RBMS3: variants seen among roughly 807,000 people sequenced by gnomAD.
RBMS3 encodes RNA-binding motif, single-stranded-interacting protein 3.
In RBMS3, 27 loss-of-function variants were observed where a neutral mutation model predicts 66.8. The ratio of observed to expected loss-of-function variants is 0.40; its 90% CI spans 0.30 to 0.56. The LOEUF is 0.56. RBMS3 is among the 20% of genes least tolerant of loss of function. The probability of loss-of-function intolerance (pLI) is 0.40; values close to 1 mark genes in which losing one functional copy is unlikely to be tolerated. For synonymous variants in RBMS3, 188 were observed against 183.0 expected, an observed-to-expected ratio of 1.03 and a Z score of -0.22; for missense variants, 513 against 549.5, an observed-to-expected ratio of 0.93 and a Z score of 0.66.
chr3:29,819,312 T>A (rs1352461386), intron 6 of RBMS3, among the ~76,000 whole-genome samples: 1 of 152,180 alleles, frequency 6.6e-6, no homozygotes, highest in Non-Finnish European at 1.5e-5. Flanking sequence ...TGACAGCTAC[T>A]CAACTCTTCT....
chr3:29,537,028 G>T (rs2045579697), intron 3 of RBMS3, among the ~76,000 whole-genome samples: 1 of 152,126 alleles, frequency 6.6e-6, no homozygotes, highest in African/African-American at 2.4e-5. Flanking sequence ...TATCATGTGT[G>T]CTTTCTTTCT....
chr3:29,474,384 A>G (rs2042873688), intron 2 of RBMS3, among the ~76,000 whole-genome samples: 1 of 152,338 alleles, frequency 6.6e-6, no homozygotes, highest in African/African-American at 2.4e-5. Flanking sequence ...ATATTCTTAT[A>G]TTTGTAAACA....
At chr3:29,401,400 TAC>T (rs1260355040) in intron 1 of RBMS3, among the ~76,000 whole-genome samples, 1 of 152,132 alleles carries the variant, frequency 6.6e-6, no homozygotes, top group African/African-American at 2.4e-5. Flanking sequence ...GTCCCGCGTT[TAC>T]AGTCTCTGCA....
chr3:29,670,129 A>G (rs2050931993), intron 4 of RBMS3, among the ~76,000 whole-genome samples: 1 of 152,186 alleles, frequency 6.6e-6, no homozygotes, highest in South Asian at 2.1e-4. Flanking sequence ...GATGTTTAAC[A>G]TATTCCTACC....
At chr3:29,672,769 C>T (rs2051060682) in intron 4 of RBMS3, among the ~76,000 whole-genome samples, 1 of 152,012 alleles carries the variant, frequency 6.6e-6, no homozygotes, top group South Asian at 2.1e-4. Flanking sequence ...ACAGGAGCAC[C>T]CAGATTCATA....
At chr3:29,487,593 G>A (rs1465435103) in intron 2 of RBMS3, among the ~76,000 whole-genome samples, 1 of 152,026 alleles carries the variant, frequency 6.6e-6, no homozygotes, top group Non-Finnish European at 1.5e-5. Context: ...ATAGCTGATA[G>A]CAGGGAGAGC....
At chr3:29,525,705 A>G (rs571901856) in intron 3 of RBMS3, among the ~76,000 whole-genome samples, 10 of 152,202 alleles carry the variant, frequency 6.6e-5, no homozygotes, top group African/African-American at 2.4e-4. Context: ...TCAATCTTCA[A>G]TCTTTGTTCC....
At chr3:29,742,402 C>A (rs2054688088) in intron 5 of RBMS3, among the ~76,000 whole-genome samples, 1 of 152,190 alleles carries the variant, frequency 6.6e-6, no homozygotes, top group Admixed American at 6.5e-5. Context: ...CCAACCTCTC[C>A]AGCATCATTC....
chr3:29,498,903 G>A lies in RBMS3; in HGVS notation c.307+10404G>A, dbSNP rs116681918. ...AATTGACTTGTGTTTATTGAGATTA[G>A]CTTCGTTAATAGCAAAAAGTATAAG... On this transcript the variant is annotated intron_variant, in intron 3 of 14. Transcript: ENST00000383767. Among the ~76,000 whole-genome samples, 1,206 of 152,226 alleles carry A rather than the reference G, an allele frequency of 7.9e-3. 15 individuals are homozygous for A. The highest frequency in any genetic ancestry group is 0.028 in the African/African-American group (1,160 of 41,526).
chr3:29,672,232 A>G (rs1212129978), intron 4 of RBMS3, among the ~76,000 whole-genome samples: 3 of 152,202 alleles, frequency 2.0e-5, no homozygotes, highest in Non-Finnish European at 4.4e-5. Context: ...AGACAAGCAA[A>G]TGCTGAGAGA....
chr3:29,737,187 G>A (rs947916799), intron 4 of RBMS3, among the ~76,000 whole-genome samples: 4 of 152,100 alleles, frequency 2.6e-5, no homozygotes, highest in Non-Finnish European at 5.9e-5. Context: ...ATGTTAGCCA[G>A]GGTGGTCTCG....
intron 4 of RBMS3, among the ~76,000 whole-genome samples, chr3:29,701,789 G>T (rs1170788040): frequency 6.6e-6 from 1 of 152,116 alleles, no homozygotes; most frequent in African/African-American, 2.4e-5. Context: ...ATTCTCACCG[G>T]GCCTCAGCTG....
chr3:30,007,044 A>AAAAT lies in RBMS3; in HGVS notation c.*3184_*3187dup, dbSNP rs1699819860. ...GTATGTTTTCAAACCAAAAAGAAAA[A>AAAAT]AAATAGAAGGAAAACAACGGCACAT... On this transcript the variant is annotated 3_prime_UTR_variant, in exon 15 of 15. Transcript: ENST00000383767. 1 of 152,024 alleles carries AAAAT rather than the reference A, an allele frequency of 6.6e-6. No individual in the cohort carries two copies. The highest frequency in any genetic ancestry group is 2.1e-4 in the South Asian group (1 of 4,836). The allele number at this position is 152,024 out of a possible 1,614,324, so 9.4% of individuals were successfully genotyped here. A position where few individuals can be genotyped will look rare whatever the true frequency, so the allele number is the denominator to read the frequency against.
At position 29,292,012 on chromosome 3, in the gene RBMS3, C is replaced by T. The variant is rs560431807; in HGVS notation, c.75+10256C>T. 4.0e-5 allele frequency among the ~76,000 whole-genome samples: 6 copies of T among 151,800 alleles called. No homozygotes were observed. In the East Asian group the frequency reaches 7.8e-4, roughly 20 times the overall value. On this transcript the variant is annotated intron_variant, in intron 1 of 14. Coordinates refer to ENST00000383767, the MANE Select transcript of RBMS3 (RefSeq NM_001003793.3). ...AGGAAATAATTTTTTCTCTCTGTAG[C>T]CCCATATATATCCTCAGACCTGAAA...
intron 1 of RBMS3, chr3:29,390,926 A>T (rs1318002776): frequency 1.0e-5 from 2 of 190,846 alleles, no homozygotes; most frequent in Non-Finnish European, 2.4e-5. Context: ...GACCACCCTC[A>T]TCCATGACGG....
At chr3:29,843,844 G>T (rs2058717723) in intron 6 of RBMS3, among the ~76,000 whole-genome samples, 1 of 152,020 alleles carries the variant, frequency 6.6e-6, no homozygotes, top group African/African-American at 2.4e-5. Context: ...AGCTACCCGG[G>T]AGGCTGAGGC....
intron 10 of RBMS3, among the ~76,000 whole-genome samples, chr3:29,902,113 A>G (rs561948934): frequency 6.6e-6 from 1 of 151,992 alleles, no homozygotes; most frequent in South Asian, 2.1e-4. Flanking sequence ...GGTTGAGCTC[A>G]TTAGGACAGG....
chr3:29,987,163 C>T (rs1232618829), intron 12 of RBMS3, among the ~76,000 whole-genome samples: 2 of 152,084 alleles, frequency 1.3e-5, no homozygotes, highest in Admixed American at 1.3e-4. Flanking sequence ...AAAAATCATT[C>T]CTCTAAACTT....
At chr3:29,685,700 T>A (rs966116290) in intron 4 of RBMS3, among the ~76,000 whole-genome samples, 2 of 152,184 alleles carry the variant, frequency 1.3e-5, no homozygotes, top group Non-Finnish European at 2.9e-5. Flanking sequence ...TAGGCATAAA[T>A]AAGCAGGAAA....
Sources: allele counts gnomAD v4.1 joint callset (sites outside exome capture counted in the v4.1 genomes callset), GRCh38; gene constraint gnomAD v4.1.1; transcripts MANE v1.5; gene names NCBI Gene and HGNC (gene_info 2026-07-23, HGNC 2026-07-21).